Variants in NSL1 observed in about 807,000 individuals in gnomAD.
The protein encoded by NSL1 is NSL1 component of MIS12 kinetochore complex.
In NSL1, 11 loss-of-function variants were observed where a neutral mutation model predicts 25.4. The observed-to-expected ratio is 0.43, with a 90% CI of 0.27 to 0.72. NSL1 has a LOEUF of 0.72. Among genes scored for constraint, NSL1 ranks in the 30% least tolerant of loss-of-function variants. NSL1 has a pLI of 0.19. For synonymous variants in NSL1, 118 were observed against 120.6 expected (o/e 0.98, Z 0.14); for missense variants, 330 against 342.7 (o/e 0.96, Z 0.29).
At chr1:212,783,538 C>T (rs770745842) in intron 3 of NSL1, among the ~76,000 whole-genome samples, 2 of 152,038 alleles carry the variant, frequency 1.3e-5, no homozygotes, top group Non-Finnish European at 2.9e-5. Context: ...GAAACTGAGG[C>T]AACTAGAAGA....
Position 212,735,316 on chromosome 1 carries a change from G to A in NSL1, c.*3092C>T. 1.0e-6 allele frequency: 1 copy of A among 985,332 alleles called. No individual in the cohort carries two copies. The highest frequency in any genetic ancestry group is 1.2e-6 in the Non-Finnish European group (1 of 829,824). 61.0% of individuals were successfully genotyped at this position (985,332 alleles called of 1,614,324 possible). A position where few individuals can be genotyped will look rare whatever the true frequency, so the allele number is the denominator to read the frequency against. On this transcript the variant is annotated 3_prime_UTR_variant, in exon 6 of 6. Transcript: ENST00000366977. ...GATCTCTGACTTTTGATCCGAGTAG[G>A]TGTCCAACTGTATGTGTTGAACAGA...
rs1319633630 is a variant in NSL1 at position 212,766,212 on chromosome 1, T to C, written c.499+16160A>G. ...ACCTCGAAGTAATAAAAACCATATA[T>C]GACAAATCCACAGCCAACATCATGT... On this transcript the variant is annotated intron_variant, in intron 4 of 5. Coordinates refer to ENST00000366977, the MANE Select transcript of NSL1 (RefSeq NM_015471.4). 4.6e-6 allele frequency: 3 copies of C among 659,066 alleles called. No individual in the cohort carries two copies. The East Asian group carries it at 8.6e-5, about 19-fold the overall frequency. 40.8% of individuals were successfully genotyped at this position (659,066 alleles called of 1,614,324 possible).
chr1:212,747,572 C>G (rs1658863026), intron 4 of NSL1, among the ~76,000 whole-genome samples: 5 of 152,164 alleles, frequency 3.3e-5, no homozygotes, highest in Admixed American at 2.0e-4. Context: ...CTAGAACTAC[C>G]CAGCTAAGCT....
chr1:212,785,594 G>T lies in NSL1; in HGVS notation c.314-1101C>A, dbSNP rs537586094. 3.3e-5 allele frequency among the ~76,000 whole-genome samples: 5 copies of T among 152,170 alleles called. No individual in the cohort carries two copies. The South Asian group carries it at 1.0e-3, about 32-fold the overall frequency. ...CTATGAGTGAGAACATGCGGTGTTT[G>T]GTTTTCAGGAGTACAGAATTTTGAT... is the stretch of plus-strand genomic sequence containing the variant. On this transcript the variant is annotated intron_variant, in intron 2 of 5. Coordinates refer to ENST00000366977, the MANE Select transcript of NSL1 (RefSeq NM_015471.4).
intron 4 of NSL1, among the ~76,000 whole-genome samples, chr1:212,769,467 A>C (rs1039286449): frequency 1.3e-5 from 2 of 152,190 alleles, no homozygotes; most frequent in African/African-American, 4.8e-5. Context: ...GATATATTTA[A>C]AGTGCTGAAA....
intron 4 of NSL1, among the ~76,000 whole-genome samples, chr1:212,757,235 A>G (rs985188111): frequency 1.3e-5 from 2 of 152,152 alleles, no homozygotes; most frequent in Admixed American, 6.5e-5. Context: ...ACTGTCAGAG[A>G]TGAGATCAGA....
At position 212,755,498 on chromosome 1, in the gene NSL1, A is replaced by C. The variant is rs531704376; in HGVS notation, c.500-15897T>G. 5.3e-4 allele frequency among the ~76,000 whole-genome samples: 80 copies of C among 151,880 alleles called. No individual in the cohort carries two copies. In the South Asian group the frequency reaches 6.8e-3, roughly 13 times the overall value. On this transcript the variant is annotated intron_variant, in intron 4 of 5. Transcript: ENST00000366977. The stretch of plus-strand genomic sequence containing the variant: ...GTATATAAGCAAGAAAAAAATTACC[A>C]ATAAAAACCATGGAGTTGAACTATG...
intron 4 of NSL1, among the ~76,000 whole-genome samples, chr1:212,772,706 C>T (rs541560339): frequency 7.2e-5 from 11 of 151,736 alleles, no homozygotes; most frequent in Non-Finnish European, 1.3e-4. Context: ...GAAAGAAACC[C>T]TAAAATTAGT....
At chr1:212,764,927 C>CA (rs1254311469) in intron 4 of NSL1, among the ~76,000 whole-genome samples, 3 of 109,662 alleles carry the variant, frequency 2.7e-5, no homozygotes, top group African/African-American at 1.1e-4. Context: ...CACAGAAATA[C>CA]AAAAGGTCAT....
intron 4 of NSL1, among the ~76,000 whole-genome samples, chr1:212,774,639 C>T (rs75572610): frequency 0.023 from 3,478 of 152,282 alleles, 63 homozygotes; most frequent in South Asian, 0.043. Flanking sequence ...CAATAAGATA[C>T]CACTTTATAC....
At chr1:212,774,763 T>C (rs948988437) in intron 4 of NSL1, among the ~76,000 whole-genome samples, 1 of 152,180 alleles carries the variant, frequency 6.6e-6, no homozygotes, top group Non-Finnish European at 1.5e-5. Flanking sequence ...TAGAAAACAG[T>C]CTGGCAGTTC....
intron 2 of NSL1, among the ~76,000 whole-genome samples, chr1:212,785,636 G>A (rs1397545493): frequency 6.6e-6 from 1 of 152,060 alleles, no homozygotes; most frequent in Non-Finnish European, 1.5e-5. Context: ...AGTCTGAGAT[G>A]GGGCCCAGAA....
In NSL1 at chr1:212,727,189, TA is replaced by T; in HGVS notation, c.*11218del. 6.5e-7 allele frequency: 1 copy of T among 1,545,936 alleles called. No individual in the cohort carries two copies. The highest frequency in any genetic ancestry group is 8.7e-7 in the Non-Finnish European group (1 of 1,146,122). On this transcript the variant is annotated 3_prime_UTR_variant, in exon 6 of 6. Coordinates refer to ENST00000366977, the MANE Select transcript of NSL1 (RefSeq NM_015471.4). ...CCACCAGGCTTGGCTCCTAATGTGT[TA>T]AATGGGGGTGAATGGAATTTAGAAG...
intron 4 of NSL1, among the ~76,000 whole-genome samples, chr1:212,765,466 C>T (rs546958310): frequency 1.3e-5 from 2 of 152,220 alleles, no homozygotes; most frequent in African/African-American, 4.8e-5. Flanking sequence ...ATAACAGAAA[C>T]AGAATTAAAA....
At chr1:212,747,565 G>C (rs1310491988) in intron 4 of NSL1, among the ~76,000 whole-genome samples, 3 of 152,194 alleles carry the variant, frequency 2.0e-5, no homozygotes, top group Non-Finnish European at 4.4e-5. Context: ...CCCTATGCTA[G>C]AACTACCCAG....
At chr1:212,778,550 C>T (rs946895183) in intron 4 of NSL1, among the ~76,000 whole-genome samples, 17 of 152,148 alleles carry the variant, frequency 1.1e-4, no homozygotes, top group African/African-American at 7.2e-5. Context: ...AGGCGCGCGC[C>T]GCCACGCCTG....
chr1:212,729,889 C>T lies in NSL1; in HGVS notation c.*8519G>A. On this transcript the variant is annotated 3_prime_UTR_variant, in exon 6 of 6. Transcript: ENST00000366977. The stretch of plus-strand genomic sequence containing the variant: ...CTGGGGTGACCCAGGCAGCAAGGAC[C>T]CTGAGGGGGCAGGTAACCAGAAGCT... The T allele has an allele frequency of 1.0e-6, 1 of 985,222 alleles. No individual in the cohort carries two copies. The highest frequency in any genetic ancestry group is 1.2e-6 in the Non-Finnish European group (1 of 829,894). 61.0% of individuals were successfully genotyped at this position (985,222 alleles called of 1,614,324 possible).
At chr1:212,773,308 T>C (rs951044693) in intron 4 of NSL1, among the ~76,000 whole-genome samples, 5 of 151,714 alleles carry the variant, frequency 3.3e-5, no homozygotes, top group African/African-American at 1.2e-4. Flanking sequence ...GTATCCAATA[T>C]ACACAAGAAG....
At chr1:212,777,511 G>A (rs553453827) in intron 4 of NSL1, among the ~76,000 whole-genome samples, 5 of 152,310 alleles carry the variant, frequency 3.3e-5, no homozygotes, top group South Asian at 4.1e-4. Context: ...AGAGCTCTGC[G>A]TGTACACAAC....
Sources: gnomAD v4.1 joint callset for allele counts (sites outside exome capture counted in the v4.1 genomes callset) on GRCh38, gnomAD v4.1.1 for gene constraint, MANE v1.5 for transcripts, NCBI Gene and HGNC (gene_info 2026-07-23, HGNC 2026-07-21) for gene names.